The following NR5A1 variants were observed in gnomAD, a reference collection of about 807,000 sequenced individuals.
NR5A1 encodes steroidogenic factor 1.
NR5A1 carries 6 observed loss-of-function variants against 42.7 expected under a neutral mutation model. The observed-to-expected ratio is 0.14, with a 90% CI of 0.08 to 0.28. NR5A1 has a LOEUF of 0.28. Ranked by LOEUF, NR5A1 falls within the 10% of genes least tolerant of loss-of-function variation. The pLI, the probability that NR5A1 is intolerant of heterozygous loss-of-function variation, is 1.00. For missense variants in NR5A1, 442 were observed against 626.4 expected (o/e 0.71, Z 3.14); for synonymous variants, 274 against 277.5 (o/e 0.99, Z 0.12).
At position 124,500,521 on chromosome 9, in the gene NR5A1, G is replaced by T; in HGVS notation, c.439C>A (p.Pro147Thr). Residue 147 changes from proline to threonine, a missense_variant, in exon 4 of 7, where the codon CCT becomes ACT. By Grantham distance (38) the Pro-to-Thr change is conservative. This residue lies in a region of NR5A1 where 208 missense variants were observed against 203.8 expected (regional missense o/e 1.02). Transcript: ENST00000373588. The surrounding 1 kb of genome is among the most constrained non-coding windows in gnomAD (Gnocchi z 6.9). ...CCGGCGGCCAGGCCCTTGGGCTCAG[G>T]CCCATGCAGGCTGGGAGGCAGCACG... ...DYVLPPSLHG[P>T]EPKGLAAGPP... 1 of 1,607,606 alleles carries T rather than the reference G, an allele frequency of 6.2e-7. No homozygotes were observed.
rs1340098990 is a variant in NR5A1, at chr9:124,494,123, G to A, written c.871-974C>T. ...GGCAGACACAGCCCCATCCCTCTCAGCCCGTGCCACTCACCAGCTGGCCAC... is the reference window on the plus strand; with the variant it reads ...GGCAGACACAGCCCCATCCCTCTCAACCCGTGCCACTCACCAGCTGGCCAC... On this transcript the variant is annotated intron_variant, in intron 4 of 6. Transcript: ENST00000373588. Among the ~76,000 whole-genome samples the A allele has an allele frequency of 2.0e-5, 3 of 152,196 alleles. No individual in the cohort carries two copies. In the East Asian group the frequency reaches 5.8e-4, roughly 29 times the overall value.
chr9:124,485,940 G>T (rs1484953394), intron 6 of NR5A1, among the ~76,000 whole-genome samples: 1 of 149,964 alleles, frequency 6.7e-6, no homozygotes, highest in Non-Finnish European at 1.5e-5. Flanking sequence ...CCAGCTCAAG[G>T]CCACACATCA....
Position 124,489,524 on chromosome 9 carries a change from G to A in NR5A1, c.1138+1557C>T, listed in dbSNP as rs190860023. On this transcript the variant is annotated intron_variant, in intron 6 of 6. Transcript: ENST00000373588. ...CACGCATGCAGAGACAGACGTTCAC[G>A]TAATTCCTGCAGGCTCCACGCCCCA... is the stretch of plus-strand genomic sequence containing the variant. Among the ~76,000 whole-genome samples the A allele has an allele frequency of 4.9e-3, 751 of 152,344 alleles. 3 individuals carry two copies. The highest frequency in any genetic ancestry group is 0.01 in the Middle Eastern group (3 of 294).
intron 5 of NR5A1, among the ~76,000 whole-genome samples, chr9:124,491,825 A>G (rs946463356): frequency 1.3e-5 from 2 of 152,038 alleles, no homozygotes; most frequent in African/African-American, 4.8e-5. Context: ...TTACGGGTTG[A>G]TGGGAAGACA....
rs992262185 is a variant in NR5A1, at chr9:124,496,184, G to A, written c.871-3035C>T. 2.7e-5 allele frequency among the ~76,000 whole-genome samples: 4 copies of A among 148,044 alleles called. No homozygotes were observed. Among genetic ancestry groups the A allele is most frequent in the African/African-American group, 7.4e-5 (3 of 40,412 alleles). ...ACACTCCCCACACAGATGAGAATGC[G>A]CACACACACACACACACACACACAA... On this transcript the variant is annotated intron_variant, in intron 4 of 6. Coordinates refer to ENST00000373588, the MANE Select transcript of NR5A1 (RefSeq NM_004959.5). This position sits in a 1 kb window ranked among gnomAD's most constrained non-coding sequence, Gnocchi z 5.0.
chr9:124,482,708 G>GGCCCCCCCCC lies in NR5A1; in HGVS notation c.*49_*50insGGGGGGGGGC. 3.6e-6 allele frequency: 2 copies of GGCCCCCCCCC among 558,006 alleles called. No individual in the cohort carries two copies. Among genetic ancestry groups the GGCCCCCCCCC allele is most frequent in the South Asian group, 3.4e-5 (2 of 58,724 alleles). 34.6% of individuals were successfully genotyped at this position (558,006 alleles called of 1,614,324 possible). A position where few individuals can be genotyped will look rare whatever the true frequency, so the allele number is the denominator to read the frequency against. On this transcript the variant is annotated 3_prime_UTR_variant, in exon 7 of 7. Coordinates refer to ENST00000373588, the MANE Select transcript of NR5A1 (RefSeq NM_004959.5). ...GCGGTGTGGCTGCGGCCCCGCCCAG[G>GGCCCCCCCCC]CCCCGCCCCCAGTCCCGCCCCCAGT...
At chr9:124,504,413 G>T (rs1024639892) in intron 1 of NR5A1, among the ~76,000 whole-genome samples, 1 of 152,072 alleles carries the variant, frequency 6.6e-6, no homozygotes, top group African/African-American at 2.4e-5. Flanking sequence ...CCGAGAGCCC[G>T]AAAACGCAGA....
At chr9:124,483,274 CCAA>C (rs1832158675) in intron 6 of NR5A1, among the ~76,000 whole-genome samples, 1 of 152,348 alleles carries the variant, frequency 6.6e-6, no homozygotes, top group African/African-American at 2.4e-5. Context: ...CATCAACCAC[CCAA>C]CCACAGTCAC....
Position 124,500,543 on chromosome 9 carries a change from C to T in NR5A1, c.417G>A (p.Val139=), listed in dbSNP as rs1229800022. ...CAGGCCCATGCAGGCTGGGAGGCAG[C>T]ACGTAGTCCGGTGCGGGAGGGGGCG... ...PPPPPPAPDY[V]LPPSLHGPEP... is the part of the protein sequence containing the mutation. The change falls in exon 4 of 7, where the codon GTG becomes GTA. Residue 139 remains valine, a synonymous_variant. Coordinates refer to ENST00000373588, the MANE Select transcript of NR5A1 (RefSeq NM_004959.5). The surrounding 1 kb of genome is among the most constrained non-coding windows in gnomAD (Gnocchi z 6.9). 1.2e-6 allele frequency: 2 copies of T among 1,609,450 alleles called. No individual in the cohort carries two copies. Among genetic ancestry groups the T allele is most frequent in the Non-Finnish European group, 1.7e-6 (2 of 1,179,510 alleles).
rs1205786059 is a variant in NR5A1 at position 124,500,659 on chromosome 9, G to A, written c.301C>T (p.Arg101Trp). ...TTCTGCTGTTTCAGGGCCCGGTCCC[G>A]CTTGTACATCGGCCCAAACTTGTTC... ...GRNKFGPMYK[R>W]DRALKQQKKA... Residue 101 changes from arginine (R) to tryptophan (W), a missense_variant, in exon 4 of 7, where the codon CGG becomes TGG. Arg to Trp is a moderately radical substitution (Grantham distance 101). Coordinates refer to ENST00000373588, the MANE Select transcript of NR5A1 (RefSeq NM_004959.5). This position sits in a 1 kb window ranked among gnomAD's most constrained non-coding sequence, Gnocchi z 6.9. 3.1e-6 allele frequency: 5 copies of A among 1,613,172 alleles called. No individual in the cohort carries two copies. Among genetic ancestry groups the A allele is most frequent in the African/African-American group, 1.3e-5 (1 of 74,916 alleles).
chr9:124,484,702 C>T (rs7869366), intron 6 of NR5A1, among the ~76,000 whole-genome samples: 61,898 of 151,704 alleles, frequency 0.41, 13,891 homozygotes, highest in Non-Finnish European at 0.51. Flanking sequence ...TGCTGTGAGC[C>T]GAGATTGCAC....
intron 4 of NR5A1, among the ~76,000 whole-genome samples, chr9:124,499,484 G>C (rs1832434388): frequency 6.6e-6 from 1 of 152,204 alleles, no homozygotes; most frequent in Non-Finnish European, 1.5e-5. Context: ...ATTTGCAGAG[G>C]CAGGAGGATC....
rs201103618 is a variant in NR5A1, at chr9:124,493,078, C to T, written c.942G>A (p.Gln314=). Residue 314 remains glutamine (Q), a synonymous_variant, in exon 5 of 7, where the codon CAG becomes CAA. Coordinates refer to ENST00000373588, the MANE Select transcript of NR5A1 (RefSeq NM_004959.5). ...ELLVFDHIYR[Q]VQHGKEGSIL... The stretch of plus-strand genomic sequence containing the variant: ...TGCTGCCCTCCTTGCCGTGCTGGAC[C>T]TGGCGGTAGATGTGGTCGAACACCA... 54 of 1,611,246 alleles carry T rather than the reference C, an allele frequency of 3.4e-5. No individual in the cohort carries two copies. The East Asian group carries it at 1.1e-3, about 34-fold the overall frequency.
At chr9:124,497,922 G>C (rs536925562) in intron 4 of NR5A1, among the ~76,000 whole-genome samples, 1 of 152,336 alleles carries the variant, frequency 6.6e-6, no homozygotes, top group African/African-American at 2.4e-5. Flanking sequence ...TCTCCCCCCA[G>C]GGTCCCCTCT....
chr9:124,502,987 A>C, intron 3 of NR5A1, 92 bp downstream of exon 3: 25 of 1,397,260 alleles, frequency 1.8e-5, no homozygotes, highest in East Asian at 1.2e-4. Flanking sequence ...CGCGAAGGCC[A>C]ATGGTACTAT....
At chr9:124,502,177 G>A (rs79925734) in intron 3 of NR5A1, among the ~76,000 whole-genome samples, 3 of 152,152 alleles carry the variant, frequency 2.0e-5, no homozygotes, top group Non-Finnish European at 4.4e-5. Flanking sequence ...AAGCGTGATG[G>A]GCTTGACAGC....
rs183899273 is a variant in NR5A1 at position 124,493,247 on chromosome 9, A to G, written c.871-98T>C. The G allele has an allele frequency of 2.2e-3, 3,272 of 1,462,024 alleles. 43 individuals carry two copies. In the African/African-American group the frequency reaches 0.024, roughly 11 times the overall value. 90.6% of individuals were successfully genotyped at this position (1,462,024 alleles called of 1,614,324 possible). On this transcript the variant is annotated intron_variant, in intron 4 of 6. Transcript: ENST00000373588. ...CCCACTGAGACCCAACTAGGCGTGC[A>G]GCCTGGGCAAGCTAACCTCTCTGTG...
chr9:124,487,976 A>G (rs896533904), intron 6 of NR5A1, among the ~76,000 whole-genome samples: 7 of 152,118 alleles, frequency 4.6e-5, no homozygotes, highest in Non-Finnish European at 8.8e-5. Flanking sequence ...GGGAAAGTTC[A>G]AGGTACCAGG....
intron 4 of NR5A1, among the ~76,000 whole-genome samples, chr9:124,494,272 A>G (rs1832357248): frequency 6.6e-6 from 1 of 152,190 alleles, no homozygotes; most frequent in African/African-American, 2.4e-5. Context: ...TATAGTCGCC[A>G]CCCACATGAT....
Sources: gnomAD v4.1 joint callset for allele counts (sites outside exome capture counted in the v4.1 genomes callset) on GRCh38, gnomAD v4.1.1 for gene constraint, gnomAD v4.1.1 regional missense constraint, Gnocchi (gnomAD v3.1) non-coding constraint, MANE v1.5 for transcripts, NCBI Gene and HGNC (gene_info 2026-07-23, HGNC 2026-07-21) for gene names.